The following MMP11 variants were observed in gnomAD, a reference collection of about 807,000 sequenced individuals.
MMP11 encodes stromelysin-3.
MMP11 carries 26 observed loss-of-function variants against 49.5 expected under a neutral mutation model. That is an observed-to-expected ratio of 0.52 (90% CI 0.38 to 0.73). The LOEUF is 0.73. Among genes scored for constraint, MMP11 ranks in the 30% least tolerant of loss-of-function variants. MMP11 has a pLI of 0.00. For missense variants in MMP11, 624 were observed against 671.2 expected (o/e 0.93, Z 0.78); for synonymous variants, 265 against 282.3 (o/e 0.94, Z 0.62).
chr22:23,781,350 T>C lies in MMP11; in HGVS notation c.1016T>C (p.Leu339Pro), dbSNP rs778176159. 7 of 1,613,486 alleles carry C rather than the reference T, an allele frequency of 4.3e-6. No individual in the cohort carries two copies. Among genetic ancestry groups the C allele is most frequent in the Non-Finnish European group, 5.9e-6 (7 of 1,179,872 alleles). ...PALASRHWQGLPSPVDAAFED... is the reference protein window; with the variant it reads ...PALASRHWQGPPSPVDAAFED... ...TTGGCCTCTCGCCACTGGCAGGGAC[T>C]GCCCAGCCCTGTGGACGCTGCCTTC... Residue 339 changes from leucine (L) to proline (P), a missense_variant, in exon 6 of 8, where the codon CTG becomes CCG. By Grantham distance (98) the Leu-to-Pro change is moderately conservative. Transcript: ENST00000215743.
chr22:23,783,762 G>T lies in MMP11; in HGVS notation c.*218G>T. 1 of 620,872 alleles carries T rather than the reference G, an allele frequency of 1.6e-6. No homozygotes were observed. Among genetic ancestry groups the T allele is most frequent in the East Asian group, 2.8e-5 (1 of 35,582 alleles). 38.5% of individuals were successfully genotyped at this position (620,872 alleles called of 1,614,324 possible). A position where few individuals can be genotyped will look rare whatever the true frequency, so the allele number is the denominator to read the frequency against. On this transcript the variant is annotated 3_prime_UTR_variant, in exon 8 of 8. Transcript: ENST00000215743. Reference sequence around the variant, plus strand: ...CGACTGTCTCAGACTGGGCAGGGAGGCTTTGGCATGACTTAAGAGGAAGGG... The same window carrying T: ...CGACTGTCTCAGACTGGGCAGGGAGTCTTTGGCATGACTTAAGAGGAAGGG...
Position 23,782,245 on chromosome 22 carries a change from C to T in MMP11, c.1095C>T (p.Tyr365=), listed in dbSNP as rs1422153245. ...WFFQGAQYWV[Y]DGEKPVLGPA... Reference sequence around the variant, plus strand: ...CGGCAGGTGCTCAGTACTGGGTGTACGACGGTGAAAAGCCAGTCCTGGGCC... The same window carrying T: ...CGGCAGGTGCTCAGTACTGGGTGTATGACGGTGAAAAGCCAGTCCTGGGCC... The change falls in exon 7 of 8, where the codon TAC becomes TAT. Residue 365 remains tyrosine (Y), a synonymous_variant. Coordinates refer to ENST00000215743, the MANE Select transcript of MMP11 (RefSeq NM_005940.5). The T allele has an allele frequency of 3.7e-6, 6 of 1,613,078 alleles. No individual in the cohort carries two copies. Among genetic ancestry groups the T allele is most frequent in the Non-Finnish European group, 5.1e-6 (6 of 1,179,948 alleles).
intron 7 of MMP11, 79 bp from the exon 8 acceptor site, chr22:23,783,332 C>T (rs1927710951): frequency 5.7e-6 from 9 of 1,574,170 alleles, no homozygotes; most frequent in Non-Finnish European, 7.8e-6. Context: ...CCCTTAGTGC[C>T]CATCCCTGGG....
intron 2 of MMP11, chr22:23,779,817 T>C (rs1249538197): frequency 3.6e-6 from 1 of 281,400 alleles, no homozygotes; most frequent in East Asian, 7.8e-5. Flanking sequence ...ATTGTCCAAC[T>C]CTACCATCAC....
rs936669349 is a variant in MMP11, at chr22:23,780,288, G to T, written c.339-71G>T. On this transcript the variant is annotated intron_variant, in intron 2 of 7. Transcript: ENST00000215743. This position sits in a 1 kb window ranked among gnomAD's most constrained non-coding sequence, Gnocchi z 4.6. The stretch of plus-strand genomic sequence containing the variant: ...TCACACACCCACCAAGCATCCAGGG[G>T]CAACTCCTGGTGCCTCAGCCATCGG... 5 of 1,597,492 alleles carry T rather than the reference G, an allele frequency of 3.1e-6. No homozygotes were observed. The highest frequency in any genetic ancestry group is 4.3e-6 in the Non-Finnish European group (5 of 1,170,324).
intron 1 of MMP11, 103 bp from the exon 2 acceptor site, chr22:23,779,084 G>T: frequency 3.3e-6 from 3 of 912,460 alleles, no homozygotes; most frequent in South Asian, 3.4e-5. Flanking sequence ...CAGCCACACA[G>T]TGGGCTGGGG....
chr22:23,780,120 CT>C lies in MMP11; in HGVS notation c.339-238del, dbSNP rs1927562215. 1.7e-6 allele frequency: 1 copy of C among 580,776 alleles called. No homozygotes were observed. Among genetic ancestry groups the C allele is most frequent in the Non-Finnish European group, 3.1e-6 (1 of 327,752 alleles). 36.0% of individuals were successfully genotyped at this position (580,776 alleles called of 1,614,324 possible). A position where few individuals can be genotyped will look rare whatever the true frequency, so the allele number is the denominator to read the frequency against. On this transcript the variant is annotated intron_variant, in intron 2 of 7. Transcript: ENST00000215743. The surrounding 1 kb of genome is among the most constrained non-coding windows in gnomAD (Gnocchi z 4.6). ...GTCTAGGATGGGGGTCTCGGGACCC[CT>C]GGTCCTGGTTCTTTCCACTGAATTC... is the stretch of plus-strand genomic sequence containing the variant.
At chr22:23,777,292 G>A (rs1473858312) in intron 1 of MMP11, among the ~76,000 whole-genome samples, 2 of 150,924 alleles carry the variant, frequency 1.3e-5, no homozygotes, top group Admixed American at 1.3e-4. Context: ...GTGAGGCTGG[G>A]TGCGGTGGCG....
intron 5 of MMP11, 30 bp downstream of exon 5, chr22:23,781,130 C>G (rs1440125747): frequency 6.2e-7 from 1 of 1,606,492 alleles, no homozygotes; most frequent in Non-Finnish European, 8.5e-7. Flanking sequence ...TCCCCCTACT[C>G]CTCTGCTGGC....
rs201961845 is a variant in MMP11, at chr22:23,780,835, T to C, written c.617-24T>C. The C allele has an allele frequency of 7.0e-5, 113 of 1,604,280 alleles. No homozygotes were observed. Among genetic ancestry groups the C allele is most frequent in the Non-Finnish European group, 2.0e-5 (23 of 1,174,728 alleles). On this transcript the variant is annotated intron_variant, in intron 4 of 7. Transcript: ENST00000215743. The surrounding 1 kb of genome is among the most constrained non-coding windows in gnomAD (Gnocchi z 4.6). ...TGTCCTGGGCAGGAGGTTCGGGGGT[T>C]GCTGAGCCACCTCCCTTTTTCAGGC...
rs1029482906 is a variant in MMP11, at chr22:23,781,632, G to A, written c.1075+223G>A. The A allele has an allele frequency of 2.5e-5, 16 of 635,008 alleles. 1 individual carries two copies. Among genetic ancestry groups the A allele is most frequent in the South Asian group, 1.9e-4 (10 of 53,894 alleles). The allele number at this position is 635,008 out of a possible 1,614,324, so 39.3% of individuals were successfully genotyped here. On this transcript the variant is annotated intron_variant, in intron 6 of 7. Transcript: ENST00000215743. ...AGGAGCAGCGTGGAAGGGATTGCAC[G>A]GTGGGGCCTCGTGTTGGTGCGTTCA...
At position 23,782,301 on chromosome 22, in the gene MMP11, G is replaced by A. The variant is rs567682338; in HGVS notation, c.1151G>A (p.Arg384Lys). 6 of 1,613,934 alleles carry A rather than the reference G, an allele frequency of 3.7e-6. No homozygotes were observed. Among genetic ancestry groups the A allele is most frequent in the Non-Finnish European group, 5.1e-6 (6 of 1,180,016 alleles). The change falls in exon 7 of 8, where the codon AGG (arginine) becomes AAG (lysine). Residue 384 changes from arginine to lysine, a missense_variant. Arg to Lys is a conservative substitution (Grantham distance 26). Coordinates refer to ENST00000215743, the MANE Select transcript of MMP11 (RefSeq NM_005940.5). ...PAPLTELGLV[R>K]FPVHAALVWG... ...CCCCTCACCGAGCTGGGCCTGGTGA[G>A]GTTCCCGGTCCATGCTGCCTTGGTC...
At chr22:23,782,640 A>G in intron 7 of MMP11, 157 bp downstream of exon 7, 2 of 897,204 alleles carry the variant, frequency 2.2e-6, no homozygotes, top group East Asian at 2.7e-5. Context: ...GTGGCCGGCT[A>G]GTGCTACATT....
intron 1 of MMP11, among the ~76,000 whole-genome samples, chr22:23,778,816 G>A (rs1367705552): frequency 6.6e-6 from 1 of 152,222 alleles, no homozygotes; most frequent in Non-Finnish European, 1.5e-5. Flanking sequence ...GGGAGCAGGA[G>A]GAGGTTGCCT....
chr22:23,773,657 G>T (rs1432243018), intron 1 of MMP11, among the ~76,000 whole-genome samples: 2 of 152,188 alleles, frequency 1.3e-5, no homozygotes, highest in Non-Finnish European at 2.9e-5. Context: ...GCCCAGGTAA[G>T]AGAGGACAGC....
chr22:23,784,094 A>T lies in MMP11; in HGVS notation c.*550A>T, dbSNP rs1192925994. ...CTGTTCTCCAGAATCCAGGCCAAAA[A>T]GTTCACAGTCAAATGGGGAGGGGTA... On this transcript the variant is annotated 3_prime_UTR_variant, in exon 8 of 8. Transcript: ENST00000215743. The T allele has an allele frequency of 6.3e-6, 1 of 157,788 alleles. No homozygotes were observed. Among genetic ancestry groups the T allele is most frequent in the African/African-American group, 2.4e-5 (1 of 41,604 alleles). The allele number at this position is 157,788 out of a possible 1,614,324, so 9.8% of individuals were successfully genotyped here. A position where few individuals can be genotyped will look rare whatever the true frequency, so the allele number is the denominator to read the frequency against.
At chr22:23,781,492 C>A in intron 6 of MMP11, 83 bp downstream of exon 6, 1 of 1,299,994 alleles carries the variant, frequency 7.7e-7, no homozygotes, top group Non-Finnish European at 1.1e-6. Flanking sequence ...ACAGATGGAT[C>A]CTTAGGGACA....
At position 23,783,430 on chromosome 22, in the gene MMP11, C is replaced by T. The variant is rs200363154; in HGVS notation, c.1353C>T (p.Arg451=). ...TCTCAGGCTATGCCTACTTCCTGCGCGGCCGCCTCTACTGGAAGTTTGACC... is the reference window on the plus strand; with the variant it reads ...TCTCAGGCTATGCCTACTTCCTGCGTGGCCGCCTCTACTGGAAGTTTGACC... ...QDADGYAYFL[R]GRLYWKFDPV... is the part of the protein sequence containing the mutation. The change falls in exon 8 of 8, where the codon CGC becomes CGT. Residue 451 remains arginine, a synonymous_variant. Coordinates refer to ENST00000215743, the MANE Select transcript of MMP11 (RefSeq NM_005940.5). 1.5e-4 allele frequency: 237 copies of T among 1,614,208 alleles called. 1 individual carries two copies. Among genetic ancestry groups the T allele is most frequent in the East Asian group, 7.8e-4 (35 of 44,882 alleles).
At chr22:23,776,325 CAGGCTGGGGAA>C (rs1927408522) in intron 1 of MMP11, among the ~76,000 whole-genome samples, 1 of 152,198 alleles carries the variant, frequency 6.6e-6, no homozygotes, top group Admixed American at 6.5e-5. Flanking sequence ...ATACCCCTGC[CAGGCTGGGGAA>C]AGGAATCTGT....
Sources: allele counts gnomAD v4.1 joint callset (sites outside exome capture counted in the v4.1 genomes callset), GRCh38; gene constraint gnomAD v4.1.1; non-coding constraint Gnocchi (gnomAD v3.1); transcripts MANE v1.5; gene names NCBI Gene and HGNC (gene_info 2026-07-23, HGNC 2026-07-21).